Variants in PDE10A observed in about 807,000 individuals in gnomAD.
The protein encoded by PDE10A is phosphodiesterase 10A, also known as cAMP and cAMP-inhibited cGMP 3',5'-cyclic phosphodiesterase 10A.
Under a neutral mutation model 97.7 loss-of-function variants are expected in PDE10A, and 39 were observed. That is an observed-to-expected ratio of 0.40 (90% CI 0.31 to 0.52). The LOEUF (loss-of-function observed/expected upper bound fraction) is 0.52. Ranked by LOEUF, PDE10A falls within the 20% of genes least tolerant of loss-of-function variation. The probability of loss-of-function intolerance (pLI) is 0.56; values close to 1 mark genes in which losing one functional copy is unlikely to be tolerated. For missense variants in PDE10A, 731 were observed against 1,047.8 expected, an observed-to-expected ratio of 0.70 and a Z score of 4.17; for synonymous variants, 371 against 376.8, an observed-to-expected ratio of 0.98 and a Z score of 0.18.
intron 1 of PDE10A, among the ~76,000 whole-genome samples, chr6:165,764,786 T>C (rs2128458645): frequency 6.6e-6 from 1 of 152,228 alleles, no homozygotes; most frequent in East Asian, 1.9e-4. Flanking sequence ...TTGCAAAGCG[T>C]GAAAGAACAA....
At chr6:165,762,299 C>T (rs1321035635) in intron 1 of PDE10A, among the ~76,000 whole-genome samples, 2 of 152,168 alleles carry the variant, frequency 1.3e-5, no homozygotes, top group East Asian at 3.8e-4. Flanking sequence ...GCCTTCAGCA[C>T]CTTATTAAAA....
intron 10 of PDE10A, among the ~76,000 whole-genome samples, chr6:165,426,184 A>C (rs1167418520): frequency 6.6e-6 from 1 of 152,194 alleles, no homozygotes; most frequent in East Asian, 1.9e-4. Flanking sequence ...CTTTGTAGAA[A>C]TTGACCTGCT....
chr6:165,345,197 A>G (rs865780755), intron 18 of PDE10A, among the ~76,000 whole-genome samples: 1 of 152,230 alleles, frequency 6.6e-6, no homozygotes, highest in Non-Finnish European at 1.5e-5. Context: ...AAACTTTCAT[A>G]AATCTGTAAA....
In PDE10A at chr6:165,462,392, A is replaced by G. The variant is rs1013966247; in HGVS notation, c.1024-12030T>C. On this transcript the variant is annotated intron_variant, in intron 3 of 21. Transcript: ENST00000539869. ...AGAAACCAGATGCAAAGACAGAAGC[A>G]GAACAACCGATTTGGTGGAGAGATC... Among the ~76,000 whole-genome samples, 12 of 152,248 alleles carry G rather than the reference A, an allele frequency of 7.9e-5. 1 individual carries two copies. Among genetic ancestry groups the G allele is most frequent in the African/African-American group, 2.9e-4 (12 of 41,470 alleles).
At chr6:165,715,528 G>A (rs1439757182) in intron 1 of PDE10A, among the ~76,000 whole-genome samples, 1 of 152,182 alleles carries the variant, frequency 6.6e-6, no homozygotes, top group Non-Finnish European at 1.5e-5. Context: ...GAACCTGTAG[G>A]GAAGTAATAG....
chr6:165,956,364 A>C (rs1468925710), intron 1 of PDE10A, among the ~76,000 whole-genome samples: 2 of 152,184 alleles, frequency 1.3e-5, no homozygotes, highest in Non-Finnish European at 2.9e-5. Context: ...CTAAAACCCT[A>C]TTTAGGTGAC....
intron 2 of PDE10A, among the ~76,000 whole-genome samples, chr6:165,487,804 G>T (rs1330912647): frequency 6.6e-6 from 1 of 152,122 alleles, no homozygotes; most frequent in East Asian, 1.9e-4. Context: ...TGCAGTTCAT[G>T]ATTCCTTGCA....
intron 2 of PDE10A, among the ~76,000 whole-genome samples, chr6:165,495,831 G>A (rs1780503452): frequency 6.6e-6 from 1 of 152,098 alleles, no homozygotes; most frequent in African/African-American, 2.4e-5. Context: ...CCTACTAAGT[G>A]CCTGTCAGAG....
intron 1 of PDE10A, among the ~76,000 whole-genome samples, chr6:165,567,697 A>T (rs1188789804): frequency 3.3e-5 from 5 of 152,154 alleles, no homozygotes; most frequent in Non-Finnish European, 7.3e-5. Context: ...CTTATTAGGT[A>T]CCAGGCATTT....
In PDE10A at chr6:165,369,204, C is replaced by G. The variant is rs1018208835; in HGVS notation, c.2783+9990G>C. On this transcript the variant is annotated intron_variant, in intron 18 of 21. Coordinates refer to ENST00000539869, the MANE Select transcript of PDE10A (RefSeq NM_001385079.1). ...CCTCCAAAGGAACACAGTTCCTCAC[C>G]AGCAACGGAACAAAGCTGGATGGAG... is the stretch of plus-strand genomic sequence containing the variant. Among the ~76,000 whole-genome samples the G allele has an allele frequency of 1.4e-3, 220 of 152,234 alleles. 1 individual carries two copies. Among genetic ancestry groups the G allele is most frequent in the African/African-American group, 5.0e-3 (208 of 41,524 alleles).
intron 3 of PDE10A, among the ~76,000 whole-genome samples, chr6:165,470,924 C>T (rs749061319): frequency 4.4e-4 from 67 of 152,128 alleles, no homozygotes; most frequent in African/African-American, 1.1e-3. Flanking sequence ...AAAACAAAAC[C>T]GGAGCTTTTT....
At chr6:165,623,817 T>C (rs985248285) in intron 1 of PDE10A, among the ~76,000 whole-genome samples, 6 of 152,156 alleles carry the variant, frequency 3.9e-5, no homozygotes, top group African/African-American at 1.2e-4. Context: ...TCCCCAGGTT[T>C]TTCTCTCTAA....
At chr6:165,530,267 ATATGTGTGTGTG>A (rs752150622) in intron 2 of PDE10A, among the ~76,000 whole-genome samples, 2 of 56,872 alleles carry the variant, frequency 3.5e-5, no homozygotes, top group Non-Finnish European at 5.7e-5. Context: ...TCCTCTTTAT[ATATGTGTGTGTG>A]TGTGTGTGTG....
In PDE10A at chr6:165,802,098, A is replaced by C. The variant is rs560430024; in HGVS notation, c.-615+185431T>G. On this transcript the variant is annotated intron_variant, in intron 1 of 19. Transcript: ENST00000366882. The stretch of plus-strand genomic sequence containing the variant: ...TGTGTGACCTGAGTCCAAAAGTCAC[A>C]AACAGTGACAAGGGCTACAGGATGA... 2.6e-4 allele frequency among the ~76,000 whole-genome samples: 39 copies of C among 152,320 alleles called. No homozygotes were observed. The South Asian group carries it at 6.0e-3, about 23-fold the overall frequency.
chr6:165,957,372 T>G (rs1056966945), intron 1 of PDE10A, among the ~76,000 whole-genome samples: 2 of 152,032 alleles, frequency 1.3e-5, no homozygotes, highest in Admixed American at 6.5e-5. Context: ...TCCCAGCTAC[T>G]TGGGAGGCTA....
intron 1 of PDE10A, among the ~76,000 whole-genome samples, chr6:165,591,788 T>C (rs548323249): frequency 2.0e-5 from 3 of 152,352 alleles, no homozygotes; most frequent in Admixed American, 2.0e-4. Flanking sequence ...TGGGGTTCTA[T>C]GCTGTTTACA....
intron 1 of PDE10A, among the ~76,000 whole-genome samples, chr6:165,837,414 T>G (rs1780093190): frequency 1.3e-5 from 2 of 152,216 alleles, no homozygotes; most frequent in Admixed American, 1.3e-4. Flanking sequence ...CCCTTTTCAT[T>G]TATTAATTTT....
At chr6:165,777,628 C>T (rs942119091) in intron 1 of PDE10A, among the ~76,000 whole-genome samples, 8 of 152,184 alleles carry the variant, frequency 5.3e-5, no homozygotes, top group African/African-American at 9.7e-5. Flanking sequence ...GGGAAAATGC[C>T]GGCTGAGCAA....
At chr6:165,487,034 C>G (rs546421174) in intron 2 of PDE10A, among the ~76,000 whole-genome samples, 81 of 152,322 alleles carry the variant, frequency 5.3e-4, no homozygotes, top group African/African-American at 1.8e-3. Context: ...AAAGAACCCC[C>G]AACTGGGAAG....
Sources: allele counts gnomAD v4.1 joint callset (sites outside exome capture counted in the v4.1 genomes callset), GRCh38; gene constraint gnomAD v4.1.1; transcripts MANE v1.5; gene names NCBI Gene and HGNC (gene_info 2026-07-23, HGNC 2026-07-21).